CNTNAP2: variants seen among roughly 807,000 people sequenced by gnomAD.
CNTNAP2 encodes contactin associated protein 2, also known as contactin-associated protein-like 2.
A neutral mutation model predicts 155.2 loss-of-function variants in CNTNAP2; 98 were observed. The observed-to-expected ratio is 0.63, with a 90% CI of 0.54 to 0.75. CNTNAP2 has a LOEUF of 0.75. Among genes scored for constraint, CNTNAP2 ranks in the 30% least tolerant of loss-of-function variants. The pLI, the probability that CNTNAP2 is intolerant of heterozygous loss-of-function variation, is 0.00. For synonymous variants in CNTNAP2, 651 were observed against 631.2 expected, an observed-to-expected ratio of 1.03 and a Z score of -0.47; for missense variants, 1,727 against 1,688.1, an observed-to-expected ratio of 1.02 and a Z score of -0.40.
chr7:146,649,033 A>T (rs1200896379), intron 1 of CNTNAP2, among the ~76,000 whole-genome samples: 6 of 152,250 alleles, frequency 3.9e-5, no homozygotes, highest in African/African-American at 1.4e-4. Flanking sequence ...TCACTAGGAT[A>T]AACCAAAAAG....
chr7:148,361,637 G>A (rs1200578601), intron 21 of CNTNAP2, among the ~76,000 whole-genome samples: 1 of 152,116 alleles, frequency 6.6e-6, no homozygotes, highest in East Asian at 1.9e-4. Flanking sequence ...TTTTTATAAG[G>A]ACAACAGTCA....
At chr7:146,929,258 A>C (rs1277335068) in intron 3 of CNTNAP2, among the ~76,000 whole-genome samples, 1 of 152,194 alleles carries the variant, frequency 6.6e-6, no homozygotes, top group Non-Finnish European at 1.5e-5. Flanking sequence ...AGGAATGATC[A>C]GACAGCAGCA....
At chr7:146,605,322 T>G (rs1799028807) in intron 1 of CNTNAP2, among the ~76,000 whole-genome samples, 1 of 151,206 alleles carries the variant, frequency 6.6e-6, no homozygotes, top group Non-Finnish European at 1.5e-5. Flanking sequence ...ATCATCATTG[T>G]TTTCATTTTA....
intron 13 of CNTNAP2, among the ~76,000 whole-genome samples, chr7:147,741,975 A>G (rs1384300762): frequency 6.6e-6 from 1 of 152,222 alleles, no homozygotes; most frequent in African/African-American, 2.4e-5. Flanking sequence ...AGGCCTCACA[A>G]TCATGGTGGA....
intron 19 of CNTNAP2, among the ~76,000 whole-genome samples, chr7:148,220,661 A>T (rs1795732089): frequency 6.6e-6 from 1 of 151,892 alleles, no homozygotes; most frequent in Non-Finnish European, 1.5e-5. Context: ...ATGTGAACAC[A>T]AAAGTGTTTG....
At chr7:148,323,344 T>C (rs1417991065) in intron 21 of CNTNAP2, among the ~76,000 whole-genome samples, 2 of 135,168 alleles carry the variant, frequency 1.5e-5, no homozygotes, top group Non-Finnish European at 3.3e-5. Context: ...TTAGGTTTAT[T>C]CTTTTTTTTT....
intron 1 of CNTNAP2, among the ~76,000 whole-genome samples, chr7:146,438,490 T>C (rs1796275234): frequency 6.6e-6 from 1 of 151,504 alleles, no homozygotes; most frequent in African/African-American, 2.4e-5. Flanking sequence ...CTTCAGAAGT[T>C]TGGGCTACAT....
chr7:146,339,639 A>G (rs915256259), intron 1 of CNTNAP2, among the ~76,000 whole-genome samples: 2 of 152,202 alleles, frequency 1.3e-5, no homozygotes, highest in Non-Finnish European at 1.5e-5. Context: ...ATTTAAATAT[A>G]TGTAACTAGA....
intron 1 of CNTNAP2, among the ~76,000 whole-genome samples, chr7:146,371,984 T>C (rs1795244095): frequency 6.6e-6 from 1 of 150,442 alleles, no homozygotes; most frequent in Non-Finnish European, 1.5e-5. Context: ...AAAAATTGCA[T>C]ATATAAATTT....
chr7:146,232,196 A>G (rs1396270614), intron 1 of CNTNAP2, among the ~76,000 whole-genome samples: 1 of 150,754 alleles, frequency 6.6e-6, no homozygotes, highest in Non-Finnish European at 1.5e-5. Flanking sequence ...AAAGCTCAAA[A>G]TAAGCTTGTT....
intron 13 of CNTNAP2, among the ~76,000 whole-genome samples, chr7:147,745,727 G>A (rs117503777): frequency 8.4e-4 from 128 of 152,224 alleles, no homozygotes; most frequent in Middle Eastern, 3.4e-3. Context: ...TCTACTAGTC[G>A]AACTAAAACT....
At chr7:147,735,262 T>C (rs1275426527) in intron 13 of CNTNAP2, among the ~76,000 whole-genome samples, 4 of 152,170 alleles carry the variant, frequency 2.6e-5, no homozygotes, top group Admixed American at 6.5e-5. Flanking sequence ...TTTATTTCTG[T>C]CTTCATTTTA....
chr7:146,860,563 A>T (rs1052416926), intron 3 of CNTNAP2, among the ~76,000 whole-genome samples: 2 of 152,212 alleles, frequency 1.3e-5, no homozygotes, highest in Admixed American at 6.5e-5. Flanking sequence ...GGACATATTT[A>T]TCTGAAAGAA....
At chr7:146,767,400 T>C (rs1464908685) in intron 1 of CNTNAP2, among the ~76,000 whole-genome samples, 2 of 152,222 alleles carry the variant, frequency 1.3e-5, no homozygotes, top group African/African-American at 4.8e-5. Context: ...TTTTGTTTGT[T>C]TATTTGCGTG....
intron 14 of CNTNAP2, among the ~76,000 whole-genome samples, chr7:147,923,999 G>A (rs774907888): frequency 1.3e-5 from 2 of 152,214 alleles, no homozygotes; most frequent in South Asian, 4.1e-4. Context: ...TGCCAGAGAT[G>A]GCCATTCCCC....
intron 13 of CNTNAP2, among the ~76,000 whole-genome samples, chr7:147,808,558 C>T (rs1798129087): frequency 1.3e-5 from 2 of 152,178 alleles, no homozygotes; most frequent in South Asian, 4.1e-4. Flanking sequence ...AACCCTTGTC[C>T]CCATCATCCA....
chr7:147,886,516 ATC>A (rs71183033), intron 13 of CNTNAP2, among the ~76,000 whole-genome samples: 48,452 of 107,834 alleles, frequency 0.45, 8,967 homozygotes, highest in East Asian at 0.52. Flanking sequence ...TTTGGTTGTA[ATC>A]TCTCTCTCTC....
At chr7:146,899,763 C>A (rs376321000) in intron 3 of CNTNAP2, among the ~76,000 whole-genome samples, 1 of 152,118 alleles carries the variant, frequency 6.6e-6, no homozygotes. Context: ...CTGGAGGACC[C>A]AAAGTTAGCT....
At chr7:146,966,169 T>C (rs748829159) in intron 3 of CNTNAP2, among the ~76,000 whole-genome samples, 1 of 152,212 alleles carries the variant, frequency 6.6e-6, no homozygotes, top group Non-Finnish European at 1.5e-5. Context: ...TTAAGCCTTA[T>C]CAGTCTCACT....
Sources: gnomAD v4.1 joint callset for allele counts (sites outside exome capture counted in the v4.1 genomes callset) on GRCh38, gnomAD v4.1.1 for gene constraint, MANE v1.5 for transcripts, NCBI Gene and HGNC (gene_info 2026-07-23, HGNC 2026-07-21) for gene names.